FXR2: variants seen among roughly 807,000 people sequenced by gnomAD.
FXR2 encodes the protein RNA-binding protein FXR2.
Under a neutral mutation model 87.3 loss-of-function variants are expected in FXR2, and 9 were observed. The ratio of observed to expected loss-of-function variants is 0.10; its 90% CI spans 0.06 to 0.18. The LOEUF (loss-of-function observed/expected upper bound fraction) is 0.18. FXR2 is among the 10% of genes least tolerant of loss of function. The pLI is 1.00. For synonymous variants in FXR2, 331 were observed against 328.3 expected, an observed-to-expected ratio of 1.01 and a Z score of -0.09; for missense variants, 661 against 893.6, an observed-to-expected ratio of 0.74 and a Z score of 3.32.
rs2071821515 is a variant in FXR2 at position 7,608,428 on chromosome 17, C to A, written c.82-2279G>T. Among the ~76,000 whole-genome samples, 6 of 143,568 alleles carry A rather than the reference C, an allele frequency of 4.2e-5. No homozygotes were observed. In the South Asian group the frequency reaches 1.3e-3, roughly 31 times the overall value. 94.2% of individuals were successfully genotyped at this position (143,568 alleles called of 152,430 possible). A position where few individuals can be genotyped will look rare whatever the true frequency, so the allele number is the denominator to read the frequency against. On this transcript the variant is annotated intron_variant, in intron 1 of 16. Coordinates refer to ENST00000250113, the MANE Select transcript of FXR2 (RefSeq NM_004860.4). Reference sequence around the variant, plus strand: ...CCAATATGGCAAAATCCCATTGCTACTAAAAAAAAAAAAAAATAATAATAA... The same window carrying A: ...CCAATATGGCAAAATCCCATTGCTAATAAAAAAAAAAAAAAATAATAATAA...
rs906479649 is a variant in FXR2 at position 7,592,875 on chromosome 17, A to G, written c.1548T>C (p.Ser516=). The change falls in exon 14 of 17, where the codon AGT becomes AGC. Residue 516 remains serine, a synonymous_variant. Transcript: ENST00000250113. This position sits in a 1 kb window ranked among gnomAD's most constrained non-coding sequence, Gnocchi z 4.8. The stretch of plus-strand genomic sequence containing the variant: ...ACGTGTCCAATAGGCTGTAGGGATT[A>G]CTGTCTGGATCCTTCAGCACTGGTC... The part of the protein sequence containing the change: ...SISSVLKDPD[S]NPYSLLDTSE... 5.0e-6 allele frequency: 8 copies of G among 1,590,004 alleles called. No homozygotes were observed. Among genetic ancestry groups the G allele is most frequent in the Non-Finnish European group, 6.9e-6 (8 of 1,167,246 alleles).
chr17:7,592,658 C>T lies in FXR2; in HGVS notation c.1729+36G>A. ...CAACCTCCCACCCTCGATTCCTACC[C>T]ATCTCTAACTTTCCAGACCCCAGGC... On this transcript the variant is annotated intron_variant, in intron 14 of 16. Coordinates refer to ENST00000250113, the MANE Select transcript of FXR2 (RefSeq NM_004860.4). This position sits in a 1 kb window ranked among gnomAD's most constrained non-coding sequence, Gnocchi z 4.8. The T allele has an allele frequency of 6.2e-7, 1 of 1,612,728 alleles. No homozygotes were observed. Among genetic ancestry groups the T allele is most frequent in the Non-Finnish European group, 8.5e-7 (1 of 1,178,914 alleles).
At chr17:7,597,083 AG>A (rs1286856673) in intron 7 of FXR2, among the ~76,000 whole-genome samples, 1 of 152,130 alleles carries the variant, frequency 6.6e-6, no homozygotes, top group Non-Finnish European at 1.5e-5. Flanking sequence ...CTGGTGACAG[AG>A]CAAAACTCTG....
chr17:7,601,296 C>A, intron 7 of FXR2, 113 bp downstream of exon 7: 1 of 672,062 alleles, frequency 1.5e-6, no homozygotes, highest in Admixed American at 2.2e-5. Context: ...GGTTTAATTG[C>A]CCAGAAAAAG....
In FXR2 at chr17:7,614,645, G is replaced by T. The variant is rs1053586202; in HGVS notation, c.-113C>A. 2.4e-5 allele frequency: 13 copies of T among 533,702 alleles called. No homozygotes were observed. Among genetic ancestry groups the T allele is most frequent in the Admixed American group, 1.4e-4 (3 of 21,854 alleles). 33.1% of individuals were successfully genotyped at this position (533,702 alleles called of 1,614,324 possible). ...AGGAGGAGCCGGAGGGGGAGCCGCG[G>T]GGGGCGGGAGCCGGGCCGGCCCCAC... On this transcript the variant is annotated 5_prime_UTR_variant, in exon 1 of 17. Transcript: ENST00000250113.
intron 1 of FXR2, among the ~76,000 whole-genome samples, chr17:7,607,415 TTTTACA>T (rs774899281): frequency 6.6e-6 from 1 of 152,136 alleles, no homozygotes; most frequent in African/African-American, 2.4e-5. Flanking sequence ...TAGTTTTTTG[TTTTACA>T]TTTACATCTA....
In FXR2 at chr17:7,593,046, C is replaced by G; in HGVS notation, c.1466G>C (p.Gly489Ala). The G allele has an allele frequency of 6.3e-7, 1 of 1,581,462 alleles. No individual in the cohort carries two copies. Among genetic ancestry groups the G allele is most frequent in the East Asian group, 2.2e-5 (1 of 44,606 alleles). Residue 489 changes from glycine to alanine, a missense_variant, in exon 13 of 17, where the codon GGT becomes GCT. By Grantham distance (60) the Gly-to-Ala change is moderately conservative. This residue lies in a region of FXR2 where 409 missense variants were observed against 432.0 expected (regional missense o/e 0.95). Transcript: ENST00000250113. This position sits in a 1 kb window ranked among gnomAD's most constrained non-coding sequence, Gnocchi z 6.1. Reference sequence around the variant, plus strand: ...CCGGGGGGCAGGTGGGGGTCCCCTACCCCGGCCCCCAGTCGGCCGCCTCCG... The same window carrying G: ...CCGGGGGGCAGGTGGGGGTCCCCTAGCCCGGCCCCCAGTCGGCCGCCTCCG... ...ESRRRPTGGR[G>A]RGPPPAPRPT... is the part of the protein sequence containing the mutation.
At position 7,591,991 on chromosome 17, in the gene FXR2, C is replaced by A; in HGVS notation, c.1927-66G>T. The A allele has an allele frequency of 8.4e-7, 1 of 1,186,126 alleles. No individual in the cohort carries two copies. Among genetic ancestry groups the A allele is most frequent in the Non-Finnish European group, 1.2e-6 (1 of 826,244 alleles). The allele number at this position is 1,186,126 out of a possible 1,614,324, so 73.5% of individuals were successfully genotyped here. The stretch of plus-strand genomic sequence containing the variant: ...GGTGAGTAGAAATTCAGGTGGGAGA[C>A]ATTCCCTACCATCCAAGCCCTCCTG... On this transcript the variant is annotated intron_variant, in intron 16 of 16. Transcript: ENST00000250113. The surrounding 1 kb of genome is among the most constrained non-coding windows in gnomAD (Gnocchi z 4.0).
chr17:7,593,598 G>C lies in FXR2; in HGVS notation c.1135C>G (p.Leu379Val). ...QEVEQLRLER[L>V]QIDEQLRQIG... ...TGCCGAAGCTGCTCATCAATTTGTAGCCTCTCCAAGCGAAGCTGCTCTACC... is the reference window on the plus strand; with the variant it reads ...TGCCGAAGCTGCTCATCAATTTGTACCCTCTCCAAGCGAAGCTGCTCTACC... The change falls in exon 12 of 17, where the codon CTA (leucine) becomes GTA (valine). Residue 379 changes from leucine (L) to valine (V), a missense_variant. Coordinates refer to ENST00000250113, the MANE Select transcript of FXR2 (RefSeq NM_004860.4). This position sits in a 1 kb window ranked among gnomAD's most constrained non-coding sequence, Gnocchi z 6.1. 1.3e-6 allele frequency: 2 copies of C among 1,592,802 alleles called. No individual in the cohort carries two copies. The highest frequency in any genetic ancestry group is 1.7e-6 in the Non-Finnish European group (2 of 1,170,778).
intron 1 of FXR2, among the ~76,000 whole-genome samples, chr17:7,607,520 C>G (rs138473694): frequency 2.6e-5 from 4 of 151,962 alleles, no homozygotes; most frequent in African/African-American, 7.3e-5. Context: ...CTCCACCCCC[C>G]GGGTTCAAGC....
chr17:7,613,855 C>G, intron 1 of FXR2: 1 of 351,918 alleles, frequency 2.8e-6, no homozygotes, highest in East Asian at 7.4e-5. Context: ...TGGGAAGCAA[C>G]TTGACTGATC....
chr17:7,606,512 G>T (rs1567752498), intron 1 of FXR2, among the ~76,000 whole-genome samples: 1 of 152,160 alleles, frequency 6.6e-6, no homozygotes, highest in Non-Finnish European at 1.5e-5. Flanking sequence ...AATATCCCAT[G>T]AGACAGTGTG....
intron 7 of FXR2, among the ~76,000 whole-genome samples, chr17:7,599,543 A>C (rs899152087): frequency 1.3e-5 from 2 of 152,164 alleles, no homozygotes; most frequent in Non-Finnish European, 2.9e-5. Context: ...AGGGAATCTG[A>C]CAATTATACG....
intron 3 of FXR2, 45 bp from the exon 4 acceptor site, chr17:7,604,125 A>C: frequency 7.1e-7 from 1 of 1,411,854 alleles, no homozygotes; most frequent in Non-Finnish European, 9.8e-7. Context: ...GACCACCCAA[A>C]AGCATCAAGA....
chr17:7,613,289 G>C (rs1253646259), intron 1 of FXR2, among the ~76,000 whole-genome samples: 1 of 152,066 alleles, frequency 6.6e-6, no homozygotes, highest in Admixed American at 6.6e-5. Context: ...CAAAGAATGA[G>C]ACAGAAATCA....
chr17:7,610,397 C>A (rs2071853953), intron 1 of FXR2, among the ~76,000 whole-genome samples: 1 of 152,212 alleles, frequency 6.6e-6, no homozygotes, highest in South Asian at 2.1e-4. Context: ...ATGGTGTAAT[C>A]CAATTCTCCT....
chr17:7,598,184 C>T (rs1318347791), intron 7 of FXR2, among the ~76,000 whole-genome samples: 2 of 152,192 alleles, frequency 1.3e-5, no homozygotes, highest in African/African-American at 2.4e-5. Flanking sequence ...GGCACAGTGG[C>T]TCTCGCCTGT....
In FXR2 at chr17:7,593,177, G is replaced by A; in HGVS notation, c.1335C>T (p.Pro445=). The change falls in exon 13 of 17, where the codon CCC becomes CCT. Residue 445 remains proline, a synonymous_variant. Coordinates refer to ENST00000250113, the MANE Select transcript of FXR2 (RefSeq NM_004860.4). The surrounding 1 kb of genome is among the most constrained non-coding windows in gnomAD (Gnocchi z 6.1). ...GRRTGGPAYG[P]SSDVSTASET... ...CTGAAGCTGTAGACACATCTGAGCT[G>A]GGGCCTGAAGAACACAATGGGATTT... 1 of 1,517,186 alleles carries A rather than the reference G, an allele frequency of 6.6e-7. No homozygotes were observed. The highest frequency in any genetic ancestry group is 8.8e-7 in the Non-Finnish European group (1 of 1,133,876). 94.0% of individuals were successfully genotyped at this position (1,517,186 alleles called of 1,614,324 possible).
At chr17:7,601,926 C>CAA (rs143603149) in intron 6 of FXR2, among the ~76,000 whole-genome samples, 4 of 144,524 alleles carry the variant, frequency 2.8e-5, no homozygotes, top group African/African-American at 1.0e-4. Flanking sequence ...ACTCTGTTTT[C>CAA]AAAAAAAAAA....
Sources: allele counts gnomAD v4.1 joint callset (sites outside exome capture counted in the v4.1 genomes callset), GRCh38; gene constraint gnomAD v4.1.1; regional missense constraint gnomAD v4.1.1; non-coding constraint Gnocchi (gnomAD v3.1); transcripts MANE v1.5; gene names NCBI Gene and HGNC (gene_info 2026-07-23, HGNC 2026-07-21).